The following SLC6A9 variants were observed in gnomAD, a reference collection of about 807,000 sequenced individuals.
SLC6A9 encodes the protein sodium- and chloride-dependent glycine transporter 1.
In SLC6A9, 31 loss-of-function variants were observed where a neutral mutation model predicts 70.9. The ratio of observed to expected loss-of-function variants is 0.44; its 90% CI spans 0.33 to 0.59. SLC6A9 has a LOEUF of 0.59. Among genes scored for constraint, SLC6A9 ranks in the 20% least tolerant of loss-of-function variants. The pLI is 0.04. For missense variants in SLC6A9, 631 were observed against 845.2 expected, an observed-to-expected ratio of 0.75 and a Z score of 3.14; for synonymous variants, 310 against 341.3, an observed-to-expected ratio of 0.91 and a Z score of 1.01.
In SLC6A9 at chr1:44,010,816, G is replaced by C. The variant is rs763911955; in HGVS notation, c.97C>G (p.Gln33Glu). ...QNLKRGNWGN[Q>E]IEFVLTSVGY... The stretch of plus-strand genomic sequence containing the variant: ...ACGCTCGTCAGTACAAACTCGATCT[G>C]GTTGCCCCAGTTGCCCCGTTTGAGG... The change falls in exon 3 of 14, where the codon CAG becomes GAG. Residue 33 changes from glutamine (Q) to glutamate (E), a missense_variant. Coordinates refer to ENST00000372310, the MANE Select transcript of SLC6A9 (RefSeq NM_001024845.3). 2 of 1,614,080 alleles carry C rather than the reference G, an allele frequency of 1.2e-6. No individual in the cohort carries two copies. Among genetic ancestry groups the C allele is most frequent in the African/African-American group, 1.3e-5 (1 of 74,948 alleles).
At chr1:44,004,687 G>A (rs1383760442) in intron 5 of SLC6A9, among the ~76,000 whole-genome samples, 1 of 152,204 alleles carries the variant, frequency 6.6e-6, no homozygotes, top group Admixed American at 6.5e-5. Flanking sequence ...TACAGTGTTA[G>A]GGACTGAAGA....
intron 2 of SLC6A9, 105 bp from the exon 3 acceptor site, chr1:44,010,987 C>T: frequency 8.7e-7 from 1 of 1,150,716 alleles, no homozygotes; most frequent in Non-Finnish European, 1.3e-6. Context: ...CAACACCCCT[C>T]CCCGGGCTTC....
intron 1 of SLC6A9, among the ~76,000 whole-genome samples, chr1:44,025,430 G>T (rs1251890230): frequency 6.7e-6 from 1 of 149,970 alleles, no homozygotes; most frequent in African/African-American, 2.5e-5. Flanking sequence ...TCCATCTTCA[G>T]ACAGCCTTAA....
intron 5 of SLC6A9, among the ~76,000 whole-genome samples, chr1:44,004,241 C>A (rs2086230897): frequency 6.6e-6 from 1 of 152,202 alleles, no homozygotes; most frequent in African/African-American, 2.4e-5. Flanking sequence ...GGTGACCCAC[C>A]TGCCTCAGCC....
rs935342725 is a variant in SLC6A9, at chr1:44,013,959, G to A, written c.31-3077C>T. On this transcript the variant is annotated intron_variant, in intron 2 of 13. Coordinates refer to ENST00000372310, the MANE Select transcript of SLC6A9 (RefSeq NM_001024845.3). The surrounding 1 kb of genome is among the most constrained non-coding windows in gnomAD (Gnocchi z 5.3). The stretch of plus-strand genomic sequence containing the variant: ...GTTTTTCTTGATCTGCTGGGTGGAC[G>A]GCTGTGTCACTGATATGAACTGTCC... Among the ~76,000 whole-genome samples the A allele has an allele frequency of 4.6e-5, 7 of 151,954 alleles. No individual in the cohort carries two copies. The highest frequency in any genetic ancestry group is 3.9e-4 in the Admixed American group (6 of 15,248).
At chr1:44,006,194 A>C (rs915349794) in intron 5 of SLC6A9, among the ~76,000 whole-genome samples, 2 of 152,072 alleles carry the variant, frequency 1.3e-5, no homozygotes, top group Non-Finnish European at 1.5e-5. Flanking sequence ...TCACTCAGCA[A>C]TATCTGCTCG....
At position 44,017,305 on chromosome 1, in the gene SLC6A9, A is replaced by G. The variant is rs965506695; in HGVS notation, c.31-6423T>C. The G allele has an allele frequency of 4.2e-6, 6 of 1,438,786 alleles. No individual in the cohort carries two copies. The Admixed American group carries it at 1.6e-4, about 38-fold the overall frequency. 89.1% of individuals were successfully genotyped at this position (1,438,786 alleles called of 1,614,324 possible). A position where few individuals can be genotyped will look rare whatever the true frequency, so the allele number is the denominator to read the frequency against. ...ATGCAGCCCAGCACGGGTGCTCCGG[A>G]GCTGGAGTGGGGTGTGTGGGGTTTG... On this transcript the variant is annotated intron_variant, in intron 2 of 13. Coordinates refer to ENST00000372310, the MANE Select transcript of SLC6A9 (RefSeq NM_001024845.3).
At chr1:44,005,485 C>T (rs1221605184) in intron 5 of SLC6A9, among the ~76,000 whole-genome samples, 1 of 152,196 alleles carries the variant, frequency 6.6e-6, no homozygotes, top group African/African-American at 2.4e-5. Flanking sequence ...AGCTACCTAA[C>T]AGGGTTTTTG....
At chr1:44,010,254 C>A in intron 3 of SLC6A9, 158 bp from the exon 4 acceptor site, 1 of 655,294 alleles carries the variant, frequency 1.5e-6, no homozygotes. Flanking sequence ...GCACACCACC[C>A]CCAGCCTGTC....
chr1:44,017,449 C>G lies in SLC6A9; in HGVS notation c.31-6567G>C, dbSNP rs72544123. ...AGGCGAGAGGGTGGCTCACTCCCCC[C>G]ACGGAGCTGACCAGACGCTGTCTGA... On this transcript the variant is annotated intron_variant, in intron 2 of 13. Coordinates refer to ENST00000372310, the MANE Select transcript of SLC6A9 (RefSeq NM_001024845.3). 789 of 959,490 alleles carry G rather than the reference C, an allele frequency of 8.2e-4. 2 individuals are homozygous for G. The highest frequency in any genetic ancestry group is 1.0e-3 in the Non-Finnish European group (751 of 749,582). The allele number at this position is 959,490 out of a possible 1,614,324, so 59.4% of individuals were successfully genotyped here. A position where few individuals can be genotyped will look rare whatever the true frequency, so the allele number is the denominator to read the frequency against.
intron 1 of SLC6A9, among the ~76,000 whole-genome samples, chr1:44,026,496 T>C (rs1373036309): frequency 6.6e-6 from 1 of 151,996 alleles, no homozygotes; most frequent in African/African-American, 2.4e-5. Flanking sequence ...CCGTCTCTAC[T>C]AAAAATATAA....
At chr1:44,022,208 A>G (rs2086896723) in intron 2 of SLC6A9, among the ~76,000 whole-genome samples, 1 of 152,226 alleles carries the variant, frequency 6.6e-6, no homozygotes, top group Non-Finnish European at 1.5e-5. Flanking sequence ...ACTGGGAGCC[A>G]TGCCCTCTGT....
chr1:44,000,848 C>A lies in SLC6A9; in HGVS notation c.1455G>T (p.Gln485His). 1 of 1,610,770 alleles carries A rather than the reference C, an allele frequency of 6.2e-7. No individual in the cohort carries two copies. The highest frequency in any genetic ancestry group is 8.5e-7 in the Non-Finnish European group (1 of 1,178,470). The change falls in exon 12 of 14, where the codon CAG (glutamine) becomes CAT (histidine). Residue 485 changes from glutamine (Q) to histidine (H), a missense_variant. Physicochemically the swap from Gln to His is conservative, Grantham distance 24. Transcript: ENST00000372310. ...GGAATCCCAGCATCATCTGGATGTC[C>A]TGGAAGTAGTTCCGGTGCCCTGGAG... Reference protein sequence around the residue: ...MYIYGHRNYFQDIQMMLGFPP... With the variant: ...MYIYGHRNYFHDIQMMLGFPP...
chr1:44,007,793 C>T (rs1319137616), intron 5 of SLC6A9, among the ~76,000 whole-genome samples: 1 of 152,134 alleles, frequency 6.6e-6, no homozygotes, highest in Admixed American at 6.5e-5. Flanking sequence ...TCCCCTGAGT[C>T]TCCTCTGAAG....
In SLC6A9 at chr1:44,008,444, T is replaced by C; in HGVS notation, c.499A>G (p.Asn167Asp). ...GGCAAGGCGGCTGGCCGAGAGCCAT[T>C]GGTGAGGTTGGAGGCGTCCAGTACA... is the stretch of plus-strand genomic sequence containing the variant. ...AGVLDASNLT[N>D]GSRPAALPSN... Residue 167 changes from asparagine (N) to aspartate (D), a missense_variant, in exon 5 of 14, where the codon AAT becomes GAT. Transcript: ENST00000372310. 1 of 1,614,102 alleles carries C rather than the reference T, an allele frequency of 6.2e-7. No individual in the cohort carries two copies. The highest frequency in any genetic ancestry group is 8.5e-7 in the Non-Finnish European group (1 of 1,179,978).
In SLC6A9 at chr1:44,000,048, T is replaced by C. The variant is rs183800432; in HGVS notation, c.1536+719A>G. Among the ~76,000 whole-genome samples, 15 of 152,344 alleles carry C rather than the reference T, an allele frequency of 9.8e-5. No homozygotes were observed. The East Asian group carries it at 2.7e-3, about 27-fold the overall frequency. On this transcript the variant is annotated intron_variant, in intron 12 of 13. Coordinates refer to ENST00000372310, the MANE Select transcript of SLC6A9 (RefSeq NM_001024845.3). ...TGATTTGAATTGTGGCTCTGCCTCT[T>C]ATTAGCTGTGTGACCATGGGCCAAT...
chr1:44,000,516 G>A (rs1557667111), intron 12 of SLC6A9, among the ~76,000 whole-genome samples: 3 of 152,234 alleles, frequency 2.0e-5, no homozygotes, highest in Non-Finnish European at 2.9e-5. Context: ...AGGAATGCCT[G>A]AGCAACGTCT....
intron 2 of SLC6A9, among the ~76,000 whole-genome samples, chr1:44,012,462 T>G (rs894103583): frequency 3.9e-5 from 6 of 152,250 alleles, no homozygotes; most frequent in Admixed American, 3.3e-4. Flanking sequence ...CCAGGGACCA[T>G]GGGTTTCCTT....
intron 2 of SLC6A9, among the ~76,000 whole-genome samples, chr1:44,020,102 C>A (rs572198201): frequency 5.3e-5 from 8 of 152,290 alleles, no homozygotes; most frequent in African/African-American, 1.9e-4. Context: ...CTTAGGCTGT[C>A]CTGGCTAGAA....
Sources: gnomAD v4.1 joint callset for allele counts (sites outside exome capture counted in the v4.1 genomes callset) on GRCh38, gnomAD v4.1.1 for gene constraint, Gnocchi (gnomAD v3.1) non-coding constraint, MANE v1.5 for transcripts, NCBI Gene and HGNC (gene_info 2026-07-23, HGNC 2026-07-21) for gene names.